Variants in PPP6R2 observed in about 807,000 individuals in gnomAD.
The protein encoded by PPP6R2 is protein phosphatase 6 regulatory subunit 2.
In PPP6R2, 62 loss-of-function variants were observed where a neutral mutation model predicts 100.2. That is an observed-to-expected ratio of 0.62 (90% CI 0.50 to 0.76). The LOEUF (loss-of-function observed/expected upper bound fraction) is 0.76. PPP6R2 is among the 30% of genes least tolerant of loss of function. The pLI is 0.00. For synonymous variants in PPP6R2, 525 were observed against 514.7 expected (o/e 1.02, Z -0.27); for missense variants, 1,142 against 1,276.3 (o/e 0.89, Z 1.60).
chr22:50,341,860 G>C (rs979200512), upstream of PPP6R2, among the ~76,000 whole-genome samples: 1 of 152,184 alleles, frequency 6.6e-6, no homozygotes, highest in Non-Finnish European at 1.5e-5. Flanking sequence ...GGGCGCGGTG[G>C]CGGGCGCCTG....
intron 4 of PPP6R2, among the ~76,000 whole-genome samples, chr22:50,407,944 T>C (rs1411986851): frequency 1.3e-5 from 2 of 152,194 alleles, no homozygotes; most frequent in Admixed American, 6.5e-5. Context: ...GTCCACTGGC[T>C]CCAACACAGC....
Position 50,361,173 on chromosome 22 carries a change from A to G in PPP6R2, c.-147-10847A>G, listed in dbSNP as rs537069035. 7.9e-5 allele frequency among the ~76,000 whole-genome samples: 12 copies of G among 152,188 alleles called. No individual in the cohort carries two copies. In the South Asian group the frequency reaches 2.5e-3, roughly 32 times the overall value. On this transcript the variant is annotated intron_variant, in intron 1 of 23. Coordinates refer to ENST00000612753, the MANE Select transcript of PPP6R2 (RefSeq NM_001242898.2). ...CGGTCCTGGGTAGTGCCTTCCTGTC[A>G]TCACCCTCAATCTTGGTCATTCCTT...
chr22:50,443,772 C>A (rs968934812), intron 22 of PPP6R2, 94 bp from the exon 23 acceptor site: 22 of 1,466,382 alleles, frequency 1.5e-5, no homozygotes, highest in Admixed American at 6.4e-5. Context: ...TCCCAGGCCG[C>A]CTGGACCTTT....
intron 1 of PPP6R2, among the ~76,000 whole-genome samples, chr22:50,349,916 G>A (rs2044645428): frequency 6.6e-6 from 1 of 150,690 alleles, no homozygotes; most frequent in African/African-American, 2.4e-5. Flanking sequence ...TCAGGAGTTC[G>A]AGACCAGCCT....
intron 17 of PPP6R2, 61 bp from the exon 18 acceptor site, chr22:50,438,113 G>A: frequency 6.4e-7 from 1 of 1,567,968 alleles, no homozygotes; most frequent in South Asian, 1.2e-5. Context: ...GCTCTATGGG[G>A]AGAGCGGCTC....
intron 1 of PPP6R2, among the ~76,000 whole-genome samples, chr22:50,352,737 AAAC>A (rs2148121189): frequency 1.7e-5 from 2 of 118,342 alleles, no homozygotes; most frequent in East Asian, 3.1e-4. Context: ...ACAAAAACAA[AAAC>A]AAAAAAAAAA....
At chr22:50,443,739 G>A in intron 22 of PPP6R2, 127 bp from the exon 23 acceptor site, 1 of 1,341,544 alleles carries the variant, frequency 7.5e-7, no homozygotes, top group Non-Finnish European at 1.0e-6. Flanking sequence ...AAGGGCAGGA[G>A]TGAGAGGGGC....
Position 50,385,814 on chromosome 22 carries a change from C to CTTTTT in PPP6R2, c.-16-8056_-16-8052dup, listed in dbSNP as rs1192671164. Among the ~76,000 whole-genome samples the CTTTTT allele has an allele frequency of 1.5e-4, 11 of 75,396 alleles. 3 individuals are homozygous for CTTTTT. The highest frequency in any genetic ancestry group is 5.7e-4 in the African/African-American group (8 of 14,142). 49.5% of individuals were successfully genotyped at this position (75,396 alleles called of 152,430 possible). On this transcript the variant is annotated intron_variant, in intron 2 of 23. Transcript: ENST00000612753. ...TACAGGCATGAGCCACCGCGCCCAG[C>CTTTTT]TTTTTTTTTTTTTTTTTTTTTTTTT...
rs368051956 is a variant in PPP6R2 at position 50,352,658 on chromosome 22, G to C, written c.-148+9108G>C. Among the ~76,000 whole-genome samples the C allele has an allele frequency of 4.0e-5, 6 of 151,492 alleles. No individual in the cohort carries two copies. The South Asian group carries it at 1.0e-3, about 26-fold the overall frequency. On this transcript the variant is annotated intron_variant, in intron 1 of 23. Coordinates refer to ENST00000612753, the MANE Select transcript of PPP6R2 (RefSeq NM_001242898.2). ...AAGAATTGCTTGAACCAAGGAGGTGGAAGTTGCAGTGAGCCAAGATCACGC... is the reference window on the plus strand; with the variant it reads ...AAGAATTGCTTGAACCAAGGAGGTGCAAGTTGCAGTGAGCCAAGATCACGC...
chr22:50,332,554 A>T, the PPP6R2 span, among the ~76,000 whole-genome samples: 1 of 151,030 alleles, frequency 6.6e-6, no homozygotes, highest in Non-Finnish European at 1.5e-5. Flanking sequence ...TTTAGCTCTT[A>T]TATTTAGGTC....
intron 22 of PPP6R2, 67 bp from the exon 23 acceptor site, chr22:50,443,799 T>C (rs1181291240): frequency 5.3e-6 from 8 of 1,501,148 alleles, no homozygotes; most frequent in Non-Finnish European, 7.2e-6. Context: ...AGCTGGTCCT[T>C]GGGCATGAGG....
rs751606438 is a variant in PPP6R2 at position 50,394,187 on chromosome 22, GCCGCAGGCAGT to G, written c.227+53_227+63del. ...GTACGCCAGGCAGTGCTGCAGGCAGGCCGCAGGCAGTGTCTGAGGATGGCCATAGTTGGGGA... is the reference window on the plus strand; with the variant it reads ...GTACGCCAGGCAGTGCTGCAGGCAGGGTCTGAGGATGGCCATAGTTGGGGA... On this transcript the variant is annotated intron_variant, in intron 3 of 23. Transcript: ENST00000612753. The G allele has an allele frequency of 1.9e-6, 3 of 1,597,242 alleles. No homozygotes were observed. In the South Asian group the frequency reaches 3.3e-5, roughly 18 times the overall value.
At chr22:50,370,475 GAT>G (rs1365077706) in intron 1 of PPP6R2, among the ~76,000 whole-genome samples, 17 of 151,594 alleles carry the variant, frequency 1.1e-4, no homozygotes, top group African/African-American at 3.6e-4. Flanking sequence ...TTTTAGTAGA[GAT>G]GGGGTTTCAC....
intron 8 of PPP6R2, 23 bp downstream of exon 8, chr22:50,419,485 G>A (rs530758878): frequency 7.0e-5 from 108 of 1,551,646 alleles, no homozygotes; most frequent in Admixed American, 5.6e-4. Flanking sequence ...AGGAGAAATC[G>A]TGTAGAGCTG....
At chr22:50,392,496 C>A (rs1057076862) in intron 2 of PPP6R2, among the ~76,000 whole-genome samples, 1 of 152,236 alleles carries the variant, frequency 6.6e-6, no homozygotes. Context: ...GGGCAGTGCC[C>A]GCCCAGTGGT....
Position 50,438,647 on chromosome 22 carries a change from G to A in PPP6R2, c.2013G>A (p.Glu671=). 6.2e-7 allele frequency: 1 copy of A among 1,614,108 alleles called. No homozygotes were observed. The highest frequency in any genetic ancestry group is 8.5e-7 in the Non-Finnish European group (1 of 1,180,002). Residue 671 remains glutamate, a synonymous_variant, in exon 19 of 24, where the codon GAG becomes GAA. Coordinates refer to ENST00000612753, the MANE Select transcript of PPP6R2 (RefSeq NM_001242898.2). ...ASESCSKNGP[E]RGGQDGKASL... ...AGAGTTGCTCAAAGAATGGCCCAGA[G>A]CGTGGAGGCCAGGATGGGAAGGCGA...
the PPP6R2 span, among the ~76,000 whole-genome samples, chr22:50,337,514 G>GCA: frequency 6.9e-6 from 1 of 145,134 alleles, no homozygotes; most frequent in South Asian, 2.2e-4. Context: ...GGTGTGTGGG[G>GCA]TGTGTGCGTG....
In PPP6R2 at chr22:50,444,011, C is replaced by T; in HGVS notation, c.2725C>T (p.Pro909Ser). The T allele has an allele frequency of 4.3e-6, 7 of 1,613,478 alleles. No homozygotes were observed. The highest frequency in any genetic ancestry group is 5.9e-6 in the Non-Finnish European group (7 of 1,179,984). Reference sequence around the variant, plus strand: ...CAAGGCTGGCCCCGCCATACCCACCCCAGCAGTCTCTTCTGCACTGGCCGT... The same window carrying T: ...CAAGGCTGGCCCCGCCATACCCACCTCAGCAGTCTCTTCTGCACTGGCCGT... ...LSKAGPAIPTPAVSSALAVAV... is the reference protein window; with the variant it reads ...LSKAGPAIPTSAVSSALAVAV... Residue 909 changes from proline to serine, a missense_variant, in exon 23 of 24, where the codon CCA becomes TCA. This residue lies in a region of PPP6R2 where 550 missense variants were observed against 517.4 expected (regional missense o/e 1.06). Coordinates refer to ENST00000612753, the MANE Select transcript of PPP6R2 (RefSeq NM_001242898.2).
Position 50,418,956 on chromosome 22 carries a change from C to T in PPP6R2, c.708C>T (p.Asp236=), listed in dbSNP as rs142543313. The change falls in exon 7 of 24, where the codon GAC becomes GAT. Residue 236 remains aspartate, a synonymous_variant. Transcript: ENST00000612753. ...AGCTGCAAGAGGCTCTGGAGCCAGA[C>T]CCGCTCCTCACAGCGCTGGAGTCGT... ...GSQLQEALEP[D]PLLTALESQD... The T allele has an allele frequency of 2.6e-5, 42 of 1,613,730 alleles. No individual in the cohort carries two copies. The African/African-American group carries it at 5.3e-4, about 20-fold the overall frequency.
Sources: allele counts gnomAD v4.1 joint callset (sites outside exome capture counted in the v4.1 genomes callset), GRCh38; gene constraint gnomAD v4.1.1; regional missense constraint gnomAD v4.1.1; transcripts MANE v1.5; gene names NCBI Gene and HGNC (gene_info 2026-07-23, HGNC 2026-07-21).